Variants in RCAN1 observed in about 807,000 individuals in gnomAD.
RCAN1 encodes the protein regulator of calcineurin 1, also known as calcipressin-1.
A neutral mutation model predicts 22.9 loss-of-function variants in RCAN1; 11 were observed. The ratio of observed to expected loss-of-function variants is 0.48; its 90% CI spans 0.30 to 0.79. The LOEUF is 0.79. RCAN1 is among the 30% of genes least tolerant of loss of function. The pLI, the probability that RCAN1 is intolerant of heterozygous loss-of-function variation, is 0.06. For synonymous variants in RCAN1, 136 were observed against 142.3 expected (o/e 0.96, Z 0.32); for missense variants, 291 against 337.8 (o/e 0.86, Z 1.09).
At position 34,614,635 on chromosome 21, in the gene RCAN1, C is replaced by T; in HGVS notation, c.252+125G>A. ...CCCTGACGGGTCCGCGGCCGAGCAG[C>T]CCGGGGGACGTCGCTGCCTCCCCGC... On this transcript the variant is annotated intron_variant, in intron 1 of 3. Coordinates refer to ENST00000313806, the MANE Select transcript of RCAN1 (RefSeq NM_004414.7). This position sits in a 1 kb window ranked among gnomAD's most constrained non-coding sequence, Gnocchi z 6.0. 9.0e-7 allele frequency: 1 copy of T among 1,114,688 alleles called. No individual in the cohort carries two copies. Among genetic ancestry groups the T allele is most frequent in the Middle Eastern group, 3.8e-4 (1 of 2,662 alleles). 69.0% of individuals were successfully genotyped at this position (1,114,688 alleles called of 1,614,324 possible).
At chr21:34,571,986 G>A (rs1987249907) in intron 1 of RCAN1, among the ~76,000 whole-genome samples, 2 of 152,146 alleles carry the variant, frequency 1.3e-5, no homozygotes, top group Admixed American at 6.6e-5. Flanking sequence ...AAGAAACTGT[G>A]GAAAATGATC....
chr21:34,537,212 A>G (rs1985710106), intron 1 of RCAN1, among the ~76,000 whole-genome samples: 1 of 152,214 alleles, frequency 6.6e-6, no homozygotes. Flanking sequence ...CAAAGAGAGA[A>G]CAACTGTGCC....
chr21:34,610,883 A>G (rs1988669154), intron 1 of RCAN1, among the ~76,000 whole-genome samples: 1 of 152,262 alleles, frequency 6.6e-6, no homozygotes, highest in South Asian at 2.1e-4. Flanking sequence ...TACATCTATC[A>G]CAAATCTTAG....
chr21:34,521,500 T>C lies in RCAN1; in HGVS notation c.585A>G (p.Pro195=), dbSNP rs1568879224. The change falls in exon 3 of 4, where the codon CCA becomes CCG. Residue 195 remains proline, a splice_region_variant and synonymous_variant. Transcript: ENST00000313806. ...CTCCCACCCGAGGGCCCTGCTCACCTGGCCCCAGCTTGGAGATGGCATATA... is the reference window on the plus strand; with the variant it reads ...CTCCCACCCGAGGGCCCTGCTCACCCGGCCCCAGCTTGGAGATGGCATATA... ...DLLYAISKLG[P]GEKYELHAAT... The C allele has an allele frequency of 6.2e-7, 1 of 1,614,188 alleles. No homozygotes were observed. The highest frequency in any genetic ancestry group is 8.5e-7 in the Non-Finnish European group (1 of 1,180,032).
intron 1 of RCAN1, among the ~76,000 whole-genome samples, chr21:34,572,420 T>C (rs1987265517): frequency 6.6e-6 from 1 of 151,970 alleles, no homozygotes; most frequent in South Asian, 2.1e-4. Context: ...CTGGTGGAGG[T>C]GGCACAGGGG....
At chr21:34,539,068 C>T (rs970342140) in intron 1 of RCAN1, among the ~76,000 whole-genome samples, 7 of 152,146 alleles carry the variant, frequency 4.6e-5, no homozygotes, top group Non-Finnish European at 1.0e-4. Flanking sequence ...AGAAGAATAT[C>T]GGTAAGATTA....
chr21:34,603,313 C>A (rs1004771674), intron 1 of RCAN1, among the ~76,000 whole-genome samples: 2 of 152,180 alleles, frequency 1.3e-5, no homozygotes, highest in African/African-American at 4.8e-5. Context: ...ACTGCTTCTC[C>A]CTACCTGCGG....
At chr21:34,557,995 T>C (rs77101954) in intron 1 of RCAN1, among the ~76,000 whole-genome samples, 1,702 of 152,266 alleles carry the variant, frequency 0.011, 36 homozygotes, top group African/African-American at 0.038. Context: ...AAAGTGACAA[T>C]GAAATTGTAC....
intron 1 of RCAN1, among the ~76,000 whole-genome samples, chr21:34,606,333 C>G (rs1289415288): frequency 6.6e-6 from 1 of 152,114 alleles, no homozygotes; most frequent in Non-Finnish European, 1.5e-5. Flanking sequence ...CCTGCTGCAC[C>G]CTTGCAACAT....
chr21:34,542,106 C>A (rs996781359), intron 1 of RCAN1, among the ~76,000 whole-genome samples: 1 of 151,892 alleles, frequency 6.6e-6, no homozygotes, highest in South Asian at 2.1e-4. Flanking sequence ...GGGGAGGATG[C>A]CATGTGTGGT....
In RCAN1 at chr21:34,591,821, C is replaced by T. The variant is rs370023835; in HGVS notation, c.252+22939G>A. Among the ~76,000 whole-genome samples the T allele has an allele frequency of 3.4e-4, 52 of 152,286 alleles. 1 individual carries two copies. The South Asian group carries it at 5.2e-3, about 15-fold the overall frequency. On this transcript the variant is annotated intron_variant, in intron 1 of 3. Transcript: ENST00000313806. The stretch of plus-strand genomic sequence containing the variant: ...ATGCACCAATTCTCCCTGCCCCACC[C>T]AAATTAGAATGTAGGTGGTCACATA...
At chr21:34,558,692 G>A (rs1032691915) in intron 1 of RCAN1, among the ~76,000 whole-genome samples, 10 of 152,184 alleles carry the variant, frequency 6.6e-5, no homozygotes, top group African/African-American at 2.2e-4. Flanking sequence ...AAGGAACCAC[G>A]GCATCTTCAA....
intron 1 of RCAN1, among the ~76,000 whole-genome samples, chr21:34,572,974 C>A (rs1370402237): frequency 1.3e-5 from 2 of 151,482 alleles, no homozygotes; most frequent in East Asian, 4.0e-4. Context: ...TCCCACCAGG[C>A]CCAACACTGG....
chr21:34,556,822 C>T (rs180763107), intron 1 of RCAN1, among the ~76,000 whole-genome samples: 27 of 152,168 alleles, frequency 1.8e-4, no homozygotes, highest in Admixed American at 1.3e-3. Context: ...AGTGGTGTGA[C>T]GTCAATCACA....
intron 1 of RCAN1, among the ~76,000 whole-genome samples, chr21:34,582,647 G>A (rs1453490069): frequency 1.3e-5 from 2 of 152,170 alleles, no homozygotes; most frequent in Non-Finnish European, 2.9e-5. Context: ...CACATGCCCA[G>A]GCAAGCATCT....
Position 34,563,768 on chromosome 21 carries a change from AAAATAT to A in RCAN1, c.253-40064_253-40059del, listed in dbSNP as rs1555863370. ...ACTAAAAATACCAAAAAAAAAAAAA[AAAATAT>A]ATATATATATATATATATATAGAGA... On this transcript the variant is annotated intron_variant, in intron 1 of 3. Transcript: ENST00000313806. Among the ~76,000 whole-genome samples, 284 of 88,342 alleles carry A rather than the reference AAAATAT, an allele frequency of 3.2e-3. 7 individuals carry two copies. In the East Asian group the frequency reaches 0.068, roughly 21 times the overall value. The allele number at this position is 88,342 out of a possible 152,430, so 58.0% of individuals were successfully genotyped here.
chr21:34,569,096 CAT>C (rs770537975), intron 1 of RCAN1, among the ~76,000 whole-genome samples: 4 of 152,338 alleles, frequency 2.6e-5, no homozygotes, highest in East Asian at 3.9e-4. Context: ...CCTCCCACAA[CAT>C]GTGGGAATTA....
At chr21:34,529,351 C>T (rs1256370390) in intron 1 of RCAN1, among the ~76,000 whole-genome samples, 3 of 152,164 alleles carry the variant, frequency 2.0e-5, no homozygotes, top group Admixed American at 2.0e-4. Context: ...AGCAGGAATC[C>T]TTAGTGGCAC....
chr21:34,574,211 T>C (rs1163895353), intron 1 of RCAN1, among the ~76,000 whole-genome samples: 1 of 152,252 alleles, frequency 6.6e-6, no homozygotes, highest in Non-Finnish European at 1.5e-5. Flanking sequence ...GAAGTTGGAC[T>C]GACATCAGTC....
Sources: gnomAD v4.1 joint callset for allele counts (sites outside exome capture counted in the v4.1 genomes callset) on GRCh38, gnomAD v4.1.1 for gene constraint, Gnocchi (gnomAD v3.1) non-coding constraint, MANE v1.5 for transcripts, NCBI Gene and HGNC (gene_info 2026-07-23, HGNC 2026-07-21) for gene names.